Variants in DSCAM observed in about 807,000 individuals in gnomAD.
DSCAM encodes the protein DS cell adhesion molecule, also known as cell adhesion molecule DSCAM.
In DSCAM, 47 loss-of-function variants were observed where a neutral mutation model predicts 217.7. That is an observed-to-expected ratio of 0.22 (90% CI 0.17 to 0.28). DSCAM has a LOEUF of 0.28. Ranked by LOEUF, DSCAM falls within the 10% of genes least tolerant of loss-of-function variation. The pLI is 1.00. For missense variants in DSCAM, 2,080 were observed against 2,618.3 expected, an observed-to-expected ratio of 0.79 and a Z score of 4.49; for synonymous variants, 1,056 against 1,015.3, an observed-to-expected ratio of 1.04 and a Z score of -0.76.
intron 1 of DSCAM, among the ~76,000 whole-genome samples, chr21:40,803,299 T>C (rs979964482): frequency 2.6e-5 from 4 of 152,216 alleles, no homozygotes; most frequent in Admixed American, 2.6e-4. Context: ...ATTGCCTCTG[T>C]TTGCCAAGAA....
intron 5 of DSCAM, among the ~76,000 whole-genome samples, chr21:40,351,325 T>C (rs908571406): frequency 6.6e-6 from 1 of 152,144 alleles, no homozygotes; most frequent in African/African-American, 2.4e-5. Context: ...AGGAGGAAGA[T>C]GTTGATAATA....
chr21:40,639,702 T>TGTGC (rs1448429540), intron 3 of DSCAM, among the ~76,000 whole-genome samples: 1 of 151,978 alleles, frequency 6.6e-6, no homozygotes, highest in Non-Finnish European at 1.5e-5. Context: ...TGTGTGTGTG[T>TGTGC]GTGTGTGTCA....
rs570821750 is a variant in DSCAM at position 40,628,575 on chromosome 21, G to C, written c.508+64235C>G. Among the ~76,000 whole-genome samples, 6 of 152,266 alleles carry C rather than the reference G, an allele frequency of 3.9e-5. No individual in the cohort carries two copies. In the South Asian group the frequency reaches 1.0e-3, roughly 26 times the overall value. ...GGCAGAGTTATGTAGTAATAACCTA[G>C]ATCTCATGGCCCACAAAACCTAAAA... On this transcript the variant is annotated intron_variant, in intron 3 of 32. Coordinates refer to ENST00000400454, the MANE Select transcript of DSCAM (RefSeq NM_001389.5).
Position 40,042,610 on chromosome 21 carries a change from C to T in DSCAM, c.5447G>A (p.Arg1816Lys). ...TTCCATCTTGGCGTGTTCGTAGGCC[C>T]TGGCCAGTTCTTCGTAAGTGGAGGA... ...SASSTYEELARAYEHAKMEEQ... is the reference protein window; with the variant it reads ...SASSTYEELAKAYEHAKMEEQ... Residue 1816 changes from arginine to lysine, a missense_variant, in exon 32 of 33, where the codon AGG (arginine) becomes AAG (lysine). By Grantham distance (26) the Arg-to-Lys change is conservative. Transcript: ENST00000400454. 6.2e-7 allele frequency: 1 copy of T among 1,614,086 alleles called. No homozygotes were observed. The highest frequency in any genetic ancestry group is 8.5e-7 in the Non-Finnish European group (1 of 1,180,026).
chr21:40,700,426 A>G (rs754767497), intron 2 of DSCAM, among the ~76,000 whole-genome samples: 1 of 152,132 alleles, frequency 6.6e-6, no homozygotes, highest in Non-Finnish European at 1.5e-5. Context: ...GGTTTCATCA[A>G]TGTTTTTCTG....
At chr21:40,525,484 A>G (rs986040262) in intron 3 of DSCAM, among the ~76,000 whole-genome samples, 5 of 152,226 alleles carry the variant, frequency 3.3e-5, no homozygotes, top group African/African-American at 9.6e-5. Context: ...ACAGATCTCC[A>G]ATGTCATGAA....
chr21:40,360,611 A>C (rs2074752064), intron 4 of DSCAM, among the ~76,000 whole-genome samples: 1 of 152,152 alleles, frequency 6.6e-6, no homozygotes. Context: ...TATGGCCTCC[A>C]GCTCCATCCA....
rs1569092854 is a variant in DSCAM at position 40,376,531 on chromosome 21, A to ATATCTATATATCTTATATC, written c.509-7287_509-7286insGATATAAGATATATAGATA. Among the ~76,000 whole-genome samples, 10 of 72,580 alleles carry ATATCTATATATCTTATATC rather than the reference A, an allele frequency of 1.4e-4. 2 individuals carry two copies. In the East Asian group the frequency reaches 3.0e-3, roughly 22 times the overall value. 47.6% of individuals were successfully genotyped at this position (72,580 alleles called of 152,430 possible). ...ATATCGATATCTATATATCTTATAT[A>ATATCTATATATCTTATATC]GATATCGATATATCTTATATCGATA... On this transcript the variant is annotated intron_variant, in intron 3 of 32. Coordinates refer to ENST00000400454, the MANE Select transcript of DSCAM (RefSeq NM_001389.5).
intron 3 of DSCAM, among the ~76,000 whole-genome samples, chr21:40,645,621 C>T (rs1476715769): frequency 2.0e-5 from 3 of 152,132 alleles, no homozygotes; most frequent in East Asian, 1.9e-4. Flanking sequence ...CAGGCATACA[C>T]GGTGCCCCTC....
chr21:40,248,155 G>A (rs2073252274), intron 11 of DSCAM, among the ~76,000 whole-genome samples: 1 of 152,128 alleles, frequency 6.6e-6, no homozygotes, highest in Admixed American at 6.5e-5. Context: ...TTCCTCCTAT[G>A]CCTCCAGGTC....
Position 40,369,182 on chromosome 21 carries a change from C to T in DSCAM, c.572G>A (p.Gly191Glu), listed in dbSNP as rs1656009186. The change falls in exon 4 of 33, where the codon GGA becomes GAA. Residue 191 changes from glycine to glutamate, a missense_variant. Gly to Glu is a moderately conservative substitution (Grantham distance 98, BLOSUM62 -2). Transcript: ENST00000400454. The part of the protein sequence containing the change: ...LYIKDVQNED[G>E]LYNYRCITRH... ...CGTGATGCAGCGGTAGTTATACAAT[C>T]CATCTTCATTCTGTACATCTTTAAT... 1.2e-6 allele frequency: 2 copies of T among 1,613,334 alleles called. No individual in the cohort carries two copies. Among genetic ancestry groups the T allele is most frequent in the Non-Finnish European group, 1.7e-6 (2 of 1,179,672 alleles).
At chr21:40,433,343 G>A (rs1222739408) in intron 3 of DSCAM, among the ~76,000 whole-genome samples, 6 of 95,484 alleles carry the variant, frequency 6.3e-5, no homozygotes, top group South Asian at 6.6e-4. Flanking sequence ...GTAAGACTCC[G>A]TCTAAAAAAA....
intron 3 of DSCAM, among the ~76,000 whole-genome samples, chr21:40,470,956 G>T (rs939665362): frequency 6.6e-6 from 1 of 152,138 alleles, no homozygotes; most frequent in African/African-American, 2.4e-5. Context: ...AATTATTTTT[G>T]TCTAGCAATT....
chr21:40,067,360 G>A (rs2089221812), intron 27 of DSCAM, among the ~76,000 whole-genome samples: 1 of 152,172 alleles, frequency 6.6e-6, no homozygotes, highest in Admixed American at 6.5e-5. Flanking sequence ...ATTGTTCAAA[G>A]GTTATCCAGA....
chr21:40,517,532 T>C lies in DSCAM; in HGVS notation c.509-148287A>G, dbSNP rs1247322836. ...CATTTTTCTCAGTTTTCACACAAGG[T>C]TGACTCAGGTAATCTCTAAGCCCTC... On this transcript the variant is annotated intron_variant, in intron 3 of 32. Coordinates refer to ENST00000400454, the MANE Select transcript of DSCAM (RefSeq NM_001389.5). Among the ~76,000 whole-genome samples the C allele has an allele frequency of 2.0e-5, 3 of 152,004 alleles. No individual in the cohort carries two copies. In the South Asian group the frequency reaches 6.2e-4, roughly 31 times the overall value.
chr21:40,442,696 A>G (rs542925985), intron 3 of DSCAM, among the ~76,000 whole-genome samples: 2 of 151,860 alleles, frequency 1.3e-5, no homozygotes, highest in South Asian at 2.1e-4. Flanking sequence ...ATTTTCAGTA[A>G]AGACGGGGTT....
In DSCAM at chr21:40,623,645, C is replaced by T. The variant is rs1174792019; in HGVS notation, c.508+69165G>A. On this transcript the variant is annotated intron_variant, in intron 3 of 32. Coordinates refer to ENST00000400454, the MANE Select transcript of DSCAM (RefSeq NM_001389.5). ...AAATAAATATGGGGCCTGTGTGGGT[C>T]TCTGCAAACAAATCTGTGCAGAAGG... Among the ~76,000 whole-genome samples the T allele has an allele frequency of 2.6e-5, 4 of 152,148 alleles. No individual in the cohort carries two copies. The East Asian group carries it at 7.7e-4, about 29-fold the overall frequency.
chr21:40,587,682 C>T (rs924912067), intron 3 of DSCAM, among the ~76,000 whole-genome samples: 1 of 151,710 alleles, frequency 6.6e-6, no homozygotes, highest in Non-Finnish European at 1.5e-5. Flanking sequence ...AAGTTTTAGC[C>T]CAAATAAAAT....
rs531489142 is a variant in DSCAM at position 40,305,920 on chromosome 21, C to T, written c.2062+6161G>A. Among the ~76,000 whole-genome samples, 491 of 152,128 alleles carry T rather than the reference C, an allele frequency of 3.2e-3. 5 individuals carry two copies. Among genetic ancestry groups the T allele is most frequent in the African/African-American group, 0.011 (455 of 41,486 alleles). On this transcript the variant is annotated intron_variant, in intron 9 of 32. Transcript: ENST00000400454. ...TTTTGGCTTAGGATTGACTTGGCGA[C>T]GCGGGCTCTTTTTTTGTGCCACATG...
Sources: allele counts gnomAD v4.1 joint callset (sites outside exome capture counted in the v4.1 genomes callset), GRCh38; gene constraint gnomAD v4.1.1; transcripts MANE v1.5; gene names NCBI Gene and HGNC (gene_info 2026-07-23, HGNC 2026-07-21).